Variants in RGS18 observed in about 807,000 individuals in gnomAD.
RGS18 encodes the protein regulator of G-protein signaling 18.
In RGS18, 22 loss-of-function variants were observed where a neutral mutation model predicts 27.6. The observed-to-expected ratio is 0.80, with a 90% CI of 0.57 to 1.14. The LOEUF (loss-of-function observed/expected upper bound fraction) is 1.14, where lower values mean the gene tolerates loss of function less well. RGS18 is among the 50% of genes most tolerant of loss of function. RGS18 has a pLI of 0.00. For missense variants in RGS18, 299 were observed against 269.6 expected (o/e 1.11, Z -0.76); for synonymous variants, 89 against 84.6 (o/e 1.05, Z -0.29).
chr1:192,179,210 G>A (rs1656407254), intron 3 of RGS18, among the ~76,000 whole-genome samples: 1 of 151,550 alleles, frequency 6.6e-6, no homozygotes. Context: ...GGGAAGTCCA[G>A]ATGGGACTCA....
intron 4 of RGS18, among the ~76,000 whole-genome samples, chr1:192,182,939 G>A (rs542344803): frequency 6.6e-6 from 1 of 151,590 alleles, no homozygotes; most frequent in South Asian, 2.1e-4. Context: ...AGAGAGATGA[G>A]GTAAATCTAA....
chr1:192,179,817 G>A (rs1557938789), intron 3 of RGS18, among the ~76,000 whole-genome samples: 1 of 151,528 alleles, frequency 6.6e-6, no homozygotes, highest in Non-Finnish European at 1.5e-5. Context: ...TACATGTGGG[G>A]AGATGTAAAT....
At chr1:192,172,500 C>T (rs1179470435) in intron 3 of RGS18, among the ~76,000 whole-genome samples, 1 of 151,888 alleles carries the variant, frequency 6.6e-6, no homozygotes, top group African/African-American at 2.4e-5. Context: ...TAAAATAAAC[C>T]TTTTTCTGTA....
At chr1:192,175,085 AT>A (rs553393828) in intron 3 of RGS18, among the ~76,000 whole-genome samples, 113 of 151,706 alleles carry the variant, frequency 7.4e-4, no homozygotes, top group African/African-American at 2.6e-3. Context: ...ACCATCCAAT[AT>A]TTTTTTATTT....
At chr1:192,183,109 G>A (rs1162890649) in intron 4 of RGS18, among the ~76,000 whole-genome samples, 1 of 151,596 alleles carries the variant, frequency 6.6e-6, no homozygotes, top group African/African-American at 2.4e-5. Context: ...AGTTTCTAAT[G>A]TGTGTTTTAT....
intron 3 of RGS18, among the ~76,000 whole-genome samples, chr1:192,162,094 A>T (rs1431923598): frequency 3.3e-5 from 5 of 152,202 alleles, no homozygotes; most frequent in Admixed American, 2.0e-4. Flanking sequence ...GAGTTATGGT[A>T]AGAAAGTTTG....
chr1:192,170,824 T>G (rs1656242600), intron 3 of RGS18, among the ~76,000 whole-genome samples: 1 of 152,116 alleles, frequency 6.6e-6, no homozygotes. Context: ...AGGCTCCAGG[T>G]TTACTTGAAG....
Position 192,178,969 on chromosome 1 carries a change from AGAAGATGGGCAAATAGG to A in RGS18, c.284-2316_284-2300del, listed in dbSNP as rs1656403013. ...AGGAGTTCAGGAAAAATGTCAAGAG[AGAAGATGGGCAAATAGG>A]GAAGATAAAGGAAAGAAGAAGGAAA... On this transcript the variant is annotated intron_variant, in intron 3 of 4. Transcript: ENST00000367460. Among the ~76,000 whole-genome samples the A allele has an allele frequency of 3.3e-5, 5 of 151,710 alleles. 1 individual carries two copies. The South Asian group carries it at 1.0e-3, about 31-fold the overall frequency.
At chr1:192,171,047 T>G (rs1656246908) in intron 3 of RGS18, among the ~76,000 whole-genome samples, 1 of 152,156 alleles carries the variant, frequency 6.6e-6, no homozygotes, top group Non-Finnish European at 1.5e-5. Flanking sequence ...CCAGCACATC[T>G]GATGCCCTGT....
intron 3 of RGS18, among the ~76,000 whole-genome samples, chr1:192,160,849 GTTTGTT>G (rs1656056747): frequency 1.3e-5 from 2 of 152,104 alleles, no homozygotes; most frequent in African/African-American, 4.8e-5. Flanking sequence ...TTTTTTGTTT[GTTTGTT>G]TTTGTTTTTT....
intron 3 of RGS18, among the ~76,000 whole-genome samples, chr1:192,176,330 ATC>A (rs1388956766): frequency 6.6e-6 from 1 of 151,742 alleles, no homozygotes; most frequent in Non-Finnish European, 1.5e-5. Context: ...CCAAACTCTT[ATC>A]TCTGCCTCCT....
chr1:192,172,338 G>A (rs193219590), intron 3 of RGS18, among the ~76,000 whole-genome samples: 1 of 151,998 alleles, frequency 6.6e-6, no homozygotes. Context: ...TCGAGAGTAG[G>A]TTCTTATGAA....
chr1:192,164,340 T>C (rs923683959), intron 3 of RGS18, among the ~76,000 whole-genome samples: 1 of 152,070 alleles, frequency 6.6e-6, no homozygotes, highest in Non-Finnish European at 1.5e-5. Context: ...AAAAATACAA[T>C]TTGAAAAGGG....
intron 3 of RGS18, among the ~76,000 whole-genome samples, chr1:192,180,645 A>T (rs1302431485): frequency 1.3e-5 from 2 of 151,688 alleles, no homozygotes; most frequent in Non-Finnish European, 3.0e-5. Context: ...ATTTTCAGAC[A>T]CTTAACGTTT....
At chr1:192,165,262 T>C (rs971697661) in intron 3 of RGS18, among the ~76,000 whole-genome samples, 2 of 152,192 alleles carry the variant, frequency 1.3e-5, no homozygotes, top group African/African-American at 4.8e-5. Context: ...TGGTGAATTC[T>C]AGACAGACTG....
chr1:192,158,799 C>T (rs1470834459), intron 1 of RGS18, 43 bp downstream of exon 1: 20 of 1,308,490 alleles, frequency 1.5e-5, no homozygotes, highest in Non-Finnish European at 2.0e-5. Flanking sequence ...CTTTTAAAAG[C>T]ATAATTGAGG....
chr1:192,176,970 G>C (rs1470567060), intron 3 of RGS18, among the ~76,000 whole-genome samples: 2 of 151,688 alleles, frequency 1.3e-5, no homozygotes, highest in Admixed American at 1.3e-4. Flanking sequence ...TAGCATGCCA[G>C]GAAGGACCCA....
At chr1:192,173,478 G>T (rs929737920) in intron 3 of RGS18, among the ~76,000 whole-genome samples, 2 of 151,770 alleles carry the variant, frequency 1.3e-5, no homozygotes, top group African/African-American at 2.4e-5. Context: ...AAGGTGGAAA[G>T]TGTTCATCTC....
chr1:192,182,159 G>A (rs1042209079), intron 4 of RGS18, among the ~76,000 whole-genome samples: 4 of 151,576 alleles, frequency 2.6e-5, no homozygotes, highest in African/African-American at 9.7e-5. Flanking sequence ...ACATGGGAGT[G>A]TAGATATCTC....
Sources: allele counts gnomAD v4.1 joint callset (sites outside exome capture counted in the v4.1 genomes callset), GRCh38; gene constraint gnomAD v4.1.1; transcripts MANE v1.5; gene names NCBI Gene and HGNC (gene_info 2026-07-23, HGNC 2026-07-21).